The following LHFPL2 variants were observed in gnomAD, a reference collection of about 807,000 sequenced individuals.
LHFPL2 encodes LHFPL tetraspan subfamily member 2 protein.
A neutral mutation model predicts 17.5 loss-of-function variants in LHFPL2; 7 were observed. The observed-to-expected ratio is 0.40, with a 90% CI of 0.23 to 0.75. The LOEUF (loss-of-function observed/expected upper bound fraction) is 0.75, where lower values mean the gene tolerates loss of function less well. Among genes scored for constraint, LHFPL2 ranks in the 30% least tolerant of loss-of-function variants. The probability of loss-of-function intolerance (pLI) is 0.37; values close to 1 mark genes in which losing one functional copy is unlikely to be tolerated. For synonymous variants in LHFPL2, 134 were observed against 116.2 expected (o/e 1.15, Z -0.99); for missense variants, 241 against 294.8 (o/e 0.82, Z 1.34).
At chr5:78,637,064 C>A (rs1745474442) in intron 1 of LHFPL2, among the ~76,000 whole-genome samples, 1 of 152,012 alleles carries the variant, frequency 6.6e-6, no homozygotes, top group African/African-American at 2.4e-5. Flanking sequence ...CTAGAGCCTT[C>A]CTGATCATAA....
chr5:78,580,337 C>T (rs1384736030), intron 2 of LHFPL2, among the ~76,000 whole-genome samples: 1 of 152,160 alleles, frequency 6.6e-6, no homozygotes, highest in African/African-American at 2.4e-5. Context: ...CGTGCAGAAG[C>T]TCTTTAGTTT....
Position 78,509,865 on chromosome 5 carries a change from C to G in LHFPL2, c.349G>C (p.Val117Leu), listed in dbSNP as rs945148961. ...TGTACACACATGGTGAAGACGGACA[C>G]CAAGGCCACCATGCAGAGAATAAAG... Reference protein sequence around the residue: ...GIFILCMVALVSVFTMCVQSI... With the variant: ...GIFILCMVALLSVFTMCVQSI... The change falls in exon 4 of 5, where the codon GTG (valine) becomes CTG (leucine). Residue 117 changes from valine (V) to leucine (L), a missense_variant. By Grantham distance (32) the Val-to-Leu change is conservative. Transcript: ENST00000380345. The G allele has an allele frequency of 1.9e-6, 3 of 1,613,988 alleles. No individual in the cohort carries two copies. The highest frequency in any genetic ancestry group is 2.5e-6 in the Non-Finnish European group (3 of 1,180,042).
intron 4 of LHFPL2, among the ~76,000 whole-genome samples, chr5:78,496,200 GA>G (rs1287589199): frequency 6.6e-6 from 1 of 152,094 alleles, no homozygotes; most frequent in Non-Finnish European, 1.5e-5. Flanking sequence ...TCAGCCTCTT[GA>G]AGCAGAAAAG....
intron 3 of LHFPL2, among the ~76,000 whole-genome samples, chr5:78,513,842 CCT>C (rs1561315464): frequency 6.6e-6 from 1 of 152,198 alleles, no homozygotes; most frequent in Non-Finnish European, 1.5e-5. Flanking sequence ...GTTCATTAAA[CCT>C]CTTTTTCTTT....
chr5:78,556,788 T>C (rs1313465992), intron 3 of LHFPL2, among the ~76,000 whole-genome samples: 1 of 152,192 alleles, frequency 6.6e-6, no homozygotes, highest in Non-Finnish European at 1.5e-5. Context: ...AACTCAGTTA[T>C]GTAAAGAAAA....
At chr5:78,500,455 T>C (rs1179193099) in intron 4 of LHFPL2, among the ~76,000 whole-genome samples, 5 of 152,160 alleles carry the variant, frequency 3.3e-5, no homozygotes, top group Non-Finnish European at 4.4e-5. Context: ...CTGGCTCTCG[T>C]GAAATCTTGC....
intron 1 of LHFPL2, among the ~76,000 whole-genome samples, chr5:78,645,543 T>TAC (rs56911011): frequency 0.046 from 6,270 of 137,212 alleles, 144 homozygotes; most frequent in African/African-American, 0.057. Flanking sequence ...GACAGATGCA[T>TAC]ACACACACAC....
intron 2 of LHFPL2, among the ~76,000 whole-genome samples, chr5:78,609,504 A>AGCACATCT (rs924719344): frequency 6.6e-6 from 1 of 151,304 alleles, no homozygotes; most frequent in African/African-American, 2.4e-5. Flanking sequence ...AGTAAATTAC[A>AGCACATCT]GCACATCTAT....
Position 78,485,671 on chromosome 5 carries a change from T to C in LHFPL2, c.*3226A>G, listed in dbSNP as rs190704389. 3 of 152,642 alleles carry C rather than the reference T, an allele frequency of 2.0e-5. No homozygotes were observed. The highest frequency in any genetic ancestry group is 2.9e-5 in the Non-Finnish European group (2 of 68,040). 9.5% of individuals were successfully genotyped at this position (152,642 alleles called of 1,614,324 possible). ...TGAGATTAGCCCTTAAATACTGGTC[T>C]AGCATTAGCATGGTCTATAAAAGCA... On this transcript the variant is annotated 3_prime_UTR_variant, in exon 5 of 5. Coordinates refer to ENST00000380345, the MANE Select transcript of LHFPL2 (RefSeq NM_005779.3).
At chr5:78,501,136 C>T (rs1477875681) in intron 4 of LHFPL2, among the ~76,000 whole-genome samples, 1 of 152,138 alleles carries the variant, frequency 6.6e-6, no homozygotes, top group Non-Finnish European at 1.5e-5. Context: ...CTGGACTTTA[C>T]AGTCCAGAAA....
intron 2 of LHFPL2, among the ~76,000 whole-genome samples, chr5:78,631,660 G>A (rs1194745268): frequency 6.6e-6 from 1 of 152,264 alleles, no homozygotes; most frequent in Non-Finnish European, 1.5e-5. Flanking sequence ...TTGGGGCCAG[G>A]TGTGGTGGGT....
chr5:78,554,233 C>T (rs1021340954), intron 3 of LHFPL2, among the ~76,000 whole-genome samples: 27 of 152,264 alleles, frequency 1.8e-4, no homozygotes, highest in African/African-American at 5.8e-4. Flanking sequence ...TTCCTGCACA[C>T]GCTTACAGCG....
At chr5:78,627,498 A>G (rs1263851003) in intron 2 of LHFPL2, among the ~76,000 whole-genome samples, 2 of 152,206 alleles carry the variant, frequency 1.3e-5, no homozygotes, top group Admixed American at 6.5e-5. Flanking sequence ...TCTCTTAAAG[A>G]AACCTTTATT....
At position 78,642,381 on chromosome 5, in the gene LHFPL2, A is replaced by C. The variant is rs116464201; in HGVS notation, c.-350+6118T>G. 2.9e-3 allele frequency among the ~76,000 whole-genome samples: 446 copies of C among 152,310 alleles called. 2 individuals are homozygous for C. Among genetic ancestry groups the C allele is most frequent in the African/African-American group, 1.0e-2 (415 of 41,560 alleles). On this transcript the variant is annotated intron_variant, in intron 1 of 4. Transcript: ENST00000380345. The stretch of plus-strand genomic sequence containing the variant: ...TATCAAACACATTCACAACCATTCC[A>C]GGTACATCCCTCTTAACTAGCTCAG...
chr5:78,592,571 T>C (rs536515367), intron 2 of LHFPL2, among the ~76,000 whole-genome samples: 7 of 152,274 alleles, frequency 4.6e-5, no homozygotes, highest in Admixed American at 3.3e-4. Context: ...TCCACTTTCA[T>C]CTACATTAAG....
intron 4 of LHFPL2, among the ~76,000 whole-genome samples, chr5:78,503,089 G>A (rs1291190562): frequency 2.0e-5 from 3 of 152,124 alleles, no homozygotes; most frequent in Non-Finnish European, 4.4e-5. Flanking sequence ...CCGCGCTGTA[G>A]GACAGTTCTT....
rs538906943 is a variant in LHFPL2, at chr5:78,648,129, T to A, written c.-350+370A>T. Among the ~76,000 whole-genome samples, 4 of 152,112 alleles carry A rather than the reference T, an allele frequency of 2.6e-5. No individual in the cohort carries two copies. The highest frequency in any genetic ancestry group is 5.9e-5 in the Non-Finnish European group (4 of 67,994). ...GGCGCGCTGGAACCCGGCGCCCAGC[T>A]GCGCCTGGGACCCACGCGCCGCCGT... On this transcript the variant is annotated intron_variant, in intron 1 of 4. Transcript: ENST00000380345. This position sits in a 1 kb window ranked among gnomAD's most constrained non-coding sequence, Gnocchi z 5.4.
At chr5:78,584,792 T>G (rs1183360453) in intron 2 of LHFPL2, among the ~76,000 whole-genome samples, 1 of 152,136 alleles carries the variant, frequency 6.6e-6, no homozygotes, top group Admixed American at 6.5e-5. Context: ...CAGGCCTCCT[T>G]GAGCTGTGGT....
intron 2 of LHFPL2, chr5:78,626,118 G>GC (rs1401347659): frequency 2.0e-5 from 3 of 152,244 alleles, no homozygotes; most frequent in South Asian, 4.1e-4. Flanking sequence ...CCACTGGCAT[G>GC]CACATCTCAG....
Sources: allele counts gnomAD v4.1 joint callset (sites outside exome capture counted in the v4.1 genomes callset), GRCh38; gene constraint gnomAD v4.1.1; non-coding constraint Gnocchi (gnomAD v3.1); transcripts MANE v1.5; gene names NCBI Gene and HGNC (gene_info 2026-07-23, HGNC 2026-07-21).